COL4A2: variants seen among roughly 807,000 people sequenced by gnomAD.
The protein encoded by COL4A2 is collagen type IV alpha 2 chain.
In COL4A2, 99 loss-of-function variants were observed where a neutral mutation model predicts 200.2. The ratio of observed to expected loss-of-function variants is 0.49; its 90% CI spans 0.42 to 0.58. The LOEUF is 0.58. Ranked by LOEUF, COL4A2 falls within the 20% of genes least tolerant of loss-of-function variation. The pLI, the probability that COL4A2 is intolerant of heterozygous loss-of-function variation, is 0.00. For missense variants in COL4A2, 1,950 were observed against 2,314.1 expected, an observed-to-expected ratio of 0.84 and a Z score of 3.23; for synonymous variants, 897 against 900.6, an observed-to-expected ratio of 1.00 and a Z score of 0.07.
At chr13:110,438,576 C>T (rs573474976) in intron 14 of COL4A2, 42 bp from the exon 15 acceptor site, 37 of 1,613,660 alleles carry the variant, frequency 2.3e-5, no homozygotes, top group African/African-American at 1.2e-4. Flanking sequence ...CTGGAGGGGC[C>T]GCCCCTGGGT....
At chr13:110,365,474 T>G (rs1016513895) in intron 4 of COL4A2, among the ~76,000 whole-genome samples, 1 of 152,212 alleles carries the variant, frequency 6.6e-6, no homozygotes, top group African/African-American at 2.4e-5. Context: ...AGATGTCTCA[T>G]TGAATGGCGC....
chr13:110,324,354 T>C (rs1477747423), intron 3 of COL4A2, among the ~76,000 whole-genome samples: 1 of 152,220 alleles, frequency 6.6e-6, no homozygotes, highest in East Asian at 1.9e-4. Flanking sequence ...GGGCGATAAC[T>C]GGACTCGCTC....
At chr13:110,323,882 C>A (rs988885149) in intron 3 of COL4A2, among the ~76,000 whole-genome samples, 3 of 152,170 alleles carry the variant, frequency 2.0e-5, no homozygotes, top group African/African-American at 7.2e-5. Flanking sequence ...ACTTTTTGTT[C>A]AGAATCACAA....
chr13:110,414,927 AT>A (rs980241607), intron 4 of COL4A2, among the ~76,000 whole-genome samples: 1 of 152,140 alleles, frequency 6.6e-6, no homozygotes. Context: ...GTATGGTAGA[AT>A]TTTTTTTGTT....
chr13:110,510,303 T>G (rs893462723), intron 47 of COL4A2, among the ~76,000 whole-genome samples: 4 of 152,250 alleles, frequency 2.6e-5, no homozygotes, highest in African/African-American at 9.6e-5. Flanking sequence ...GGATGCAGAC[T>G]GCAGCAGCAA....
At position 110,457,657 on chromosome 13, in the gene COL4A2, C is replaced by T. The variant is rs199551045; in HGVS notation, c.1432+222C>T. 1.4e-3 allele frequency: 965 copies of T among 670,084 alleles called. 4 individuals carry two copies. The highest frequency in any genetic ancestry group is 1.8e-3 in the Non-Finnish European group (630 of 354,942). The allele number at this position is 670,084 out of a possible 1,614,324, so 41.5% of individuals were successfully genotyped here. On this transcript the variant is annotated intron_variant, in intron 21 of 47. Transcript: ENST00000360467. Reference sequence around the variant, plus strand: ...GGCCCCCAGGCTCACCGTCCCTGCTCTCCATCTGCCATCCTCGTCACTGAC... The same window carrying T: ...GGCCCCCAGGCTCACCGTCCCTGCTTTCCATCTGCCATCCTCGTCACTGAC...
At chr13:110,435,059 C>A (rs1470292269) in intron 12 of COL4A2, among the ~76,000 whole-genome samples, 1 of 152,230 alleles carries the variant, frequency 6.6e-6, no homozygotes, top group Non-Finnish European at 1.5e-5. Flanking sequence ...TAGACCTGAC[C>A]CTTGGCCTCA....
intron 11 of COL4A2, among the ~76,000 whole-genome samples, chr13:110,433,085 G>A (rs965914163): frequency 2.0e-5 from 3 of 152,252 alleles, no homozygotes; most frequent in East Asian, 1.9e-4. Flanking sequence ...CCTGTGTCCC[G>A]ATGGAGGACG....
At position 110,357,468 on chromosome 13, in the gene COL4A2, G is replaced by T. The variant is rs756948498; in HGVS notation, c.100-4G>T. ...TTTCTTTGCCTTGTGTTTTATTGTT[G>T]CAGGGTGTGAAGAAGTTTGATGTGC... On this transcript the variant is annotated splice_region_variant and splice_polypyrimidine_tract_variant and intron_variant, in intron 3 of 47. Coordinates refer to ENST00000360467, the MANE Select transcript of COL4A2 (RefSeq NM_001846.4). 6.3e-7 allele frequency: 1 copy of T among 1,584,834 alleles called. No individual in the cohort carries two copies. Among genetic ancestry groups the T allele is most frequent in the Admixed American group, 1.7e-5 (1 of 57,478 alleles).
chr13:110,447,235 A>G (rs1566538039), intron 18 of COL4A2, among the ~76,000 whole-genome samples: 1 of 152,046 alleles, frequency 6.6e-6, no homozygotes, highest in African/African-American at 2.4e-5. Flanking sequence ...CCGCCTTCGG[A>G]TTTTTTCTCC....
At chr13:110,388,282 C>CGGCACCTTGGGA (rs1187437659) in intron 4 of COL4A2, among the ~76,000 whole-genome samples, 1 of 152,216 alleles carries the variant, frequency 6.6e-6, no homozygotes, top group African/African-American at 2.4e-5. Context: ...AGGCAGCTGC[C>CGGCACCTTGGGA]GGCACCTTGG....
chr13:110,441,120 C>T (rs901603345), intron 16 of COL4A2, among the ~76,000 whole-genome samples: 2 of 152,192 alleles, frequency 1.3e-5, no homozygotes, highest in African/African-American at 4.8e-5. Context: ...ATCACTCAGT[C>T]CTAGTAGGTG....
In COL4A2 at chr13:110,474,713, ATGAT is replaced by A. The variant is rs1186910101; in HGVS notation, c.2425+1564_2425+1567del. On this transcript the variant is annotated intron_variant, in intron 29 of 47. Transcript: ENST00000360467. ...CACACACGTGCCTGTGTACACTCAC[ATGAT>A]CACACACGCACGTACCCACACACGT... Among the ~76,000 whole-genome samples the A allele has an allele frequency of 2.3e-4, 31 of 132,470 alleles. 3 individuals carry two copies. The highest frequency in any genetic ancestry group is 9.6e-4 in the East Asian group (4 of 4,188). The allele number at this position is 132,470 out of a possible 152,430, so 86.9% of individuals were successfully genotyped here.
rs1412076455 is a variant in COL4A2, at chr13:110,372,900, G to T, written c.180+15348G>T. ...GATGTGCACACTGCATGTCATGGAAGGTCATTGTTCTGGTTCACATGATTT... is the reference window on the plus strand; with the variant it reads ...GATGTGCACACTGCATGTCATGGAATGTCATTGTTCTGGTTCACATGATTT... On this transcript the variant is annotated intron_variant, in intron 4 of 47. Coordinates refer to ENST00000360467, the MANE Select transcript of COL4A2 (RefSeq NM_001846.4). Among the ~76,000 whole-genome samples, 6 of 152,174 alleles carry T rather than the reference G, an allele frequency of 3.9e-5. No homozygotes were observed. The South Asian group carries it at 6.2e-4, about 16-fold the overall frequency.
intron 4 of COL4A2, among the ~76,000 whole-genome samples, chr13:110,373,682 G>T (rs775728573): frequency 2.6e-5 from 4 of 152,160 alleles, no homozygotes; most frequent in African/African-American, 4.8e-5. Context: ...TACCCAAGCC[G>T]CAGGGTGTGA....
At position 110,436,023 on chromosome 13, in the gene COL4A2, C is replaced by T. The variant is rs1880856513; in HGVS notation, c.727-246C>T. The T allele has an allele frequency of 6.6e-6, 4 of 610,228 alleles. No individual in the cohort carries two copies. The Admixed American group carries it at 7.2e-5, about 11-fold the overall frequency. 37.8% of individuals were successfully genotyped at this position (610,228 alleles called of 1,614,324 possible). A position where few individuals can be genotyped will look rare whatever the true frequency, so the allele number is the denominator to read the frequency against. On this transcript the variant is annotated intron_variant, in intron 12 of 47. Transcript: ENST00000360467. ...CAACCCCACAGAAACAAATGCAGTC[C>T]AGAATTGTAAACAACCTACATGGCT... is the stretch of plus-strand genomic sequence containing the variant.
intron 4 of COL4A2, among the ~76,000 whole-genome samples, chr13:110,416,010 G>A (rs1213724777): frequency 1.3e-5 from 2 of 152,278 alleles, no homozygotes; most frequent in African/African-American, 2.4e-5. Context: ...CTGCGCCTGT[G>A]AGTGAGGTCG....
intron 3 of COL4A2, among the ~76,000 whole-genome samples, chr13:110,348,949 G>A (rs1876831381): frequency 6.6e-6 from 1 of 152,158 alleles, no homozygotes; most frequent in Non-Finnish European, 1.5e-5. Flanking sequence ...GGACAGATGA[G>A]TTTTGTTCTT....
chr13:110,353,511 TC>T (rs1877052362), intron 3 of COL4A2, among the ~76,000 whole-genome samples: 1 of 152,164 alleles, frequency 6.6e-6, no homozygotes, highest in African/African-American at 2.4e-5. Context: ...CTCACACTCC[TC>T]CTCTGAGGTC....
Sources: allele counts gnomAD v4.1 joint callset (sites outside exome capture counted in the v4.1 genomes callset), GRCh38; gene constraint gnomAD v4.1.1; transcripts MANE v1.5; gene names NCBI Gene and HGNC (gene_info 2026-07-23, HGNC 2026-07-21).